Variants in GHR observed in about 807,000 individuals in gnomAD.
GHR encodes the protein GH receptor.
GHR carries 35 observed loss-of-function variants against 67.1 expected under a neutral mutation model. The observed-to-expected ratio is 0.52, with a 90% CI of 0.40 to 0.69. GHR has a LOEUF of 0.69. GHR is among the 30% of genes least tolerant of loss of function. GHR has a pLI of 0.00. For missense variants in GHR, 792 were observed against 764.6 expected (o/e 1.04, Z -0.42); for synonymous variants, 272 against 269.1 (o/e 1.01, Z -0.10).
At chr5:42,709,398 C>T (rs999239677) in intron 6 of GHR, among the ~76,000 whole-genome samples, 1 of 152,224 alleles carries the variant, frequency 6.6e-6, no homozygotes, top group East Asian at 1.9e-4. Context: ...CAACCTCGGC[C>T]TCCCAAAGTG....
At chr5:42,664,298 C>A (rs1215218006) in intron 3 of GHR, among the ~76,000 whole-genome samples, 3 of 152,142 alleles carry the variant, frequency 2.0e-5, no homozygotes, top group Non-Finnish European at 4.4e-5. Flanking sequence ...CAATCCTAAG[C>A]CAAAAGAGCA....
intron 1 of GHR, among the ~76,000 whole-genome samples, chr5:42,561,574 G>A (rs1749608044): frequency 1.3e-5 from 2 of 152,156 alleles, no homozygotes; most frequent in Non-Finnish European, 2.9e-5. Context: ...TAATTTGGAG[G>A]CCTCCTCTGC....
intron 1 of GHR, among the ~76,000 whole-genome samples, chr5:42,539,079 G>A (rs893088431): frequency 5.9e-5 from 9 of 151,572 alleles, no homozygotes; most frequent in Non-Finnish European, 1.3e-4. Flanking sequence ...TCCTTTCCCT[G>A]CTTGTATCAT....
intron 3 of GHR, among the ~76,000 whole-genome samples, chr5:42,687,376 A>T (rs1430506793): frequency 6.6e-6 from 1 of 152,234 alleles, no homozygotes; most frequent in African/African-American, 2.4e-5. Context: ...AATCGTAAGC[A>T]AAAAGAACAA....
rs1453354748 is a variant in GHR at position 42,629,118 on chromosome 5, C to A, written c.136+15C>A. 1.4e-5 allele frequency: 17 copies of A among 1,174,464 alleles called. 3 individuals are homozygous for A. The highest frequency in any genetic ancestry group is 2.0e-5 in the Non-Finnish European group (16 of 810,018). 72.8% of individuals were successfully genotyped at this position (1,174,464 alleles called of 1,614,324 possible). On this transcript the variant is annotated intron_variant, in intron 3 of 9. Coordinates refer to ENST00000230882, the MANE Select transcript of GHR (RefSeq NM_000163.5). ...CCTAAAGACAAGTAAGAATTTCAGT[C>A]CTTTTTCTTCCTTCAATGATATTTT...
chr5:42,560,777 T>C (rs1248472348), intron 1 of GHR, among the ~76,000 whole-genome samples: 1 of 152,212 alleles, frequency 6.6e-6, no homozygotes, highest in East Asian at 1.9e-4. Flanking sequence ...CAAATCCTGA[T>C]TTCTTTCACT....
chr5:42,592,695 G>T (rs1368807819), intron 2 of GHR, among the ~76,000 whole-genome samples: 1 of 152,152 alleles, frequency 6.6e-6, no homozygotes, highest in African/African-American at 2.4e-5. Context: ...CTGTGTCTTT[G>T]TTATTGTGAA....
At chr5:42,624,635 AT>A (rs1307978641) in intron 2 of GHR, among the ~76,000 whole-genome samples, 1 of 135,074 alleles carries the variant, frequency 7.4e-6, no homozygotes, top group Non-Finnish European at 1.6e-5. Flanking sequence ...ACCTACAAAA[AT>A]TTCCTTTCAC....
chr5:42,616,321 G>A (rs1056383796), intron 2 of GHR, among the ~76,000 whole-genome samples: 5 of 152,024 alleles, frequency 3.3e-5, no homozygotes, highest in African/African-American at 4.8e-5. Context: ...ATGGAGAGAA[G>A]TGAATGGATT....
chr5:42,604,167 G>A (rs1752510871), intron 2 of GHR, among the ~76,000 whole-genome samples: 1 of 152,212 alleles, frequency 6.6e-6, no homozygotes, highest in Non-Finnish European at 1.5e-5. Context: ...CGGACATGTA[G>A]ATGAGTTCTT....
chr5:42,536,728 CA>C (rs1266687016), intron 1 of GHR, among the ~76,000 whole-genome samples: 1 of 152,092 alleles, frequency 6.6e-6, no homozygotes, highest in Non-Finnish European at 1.5e-5. Context: ...GGAATAGCAT[CA>C]AAAGGATTGG....
Position 42,623,118 on chromosome 5 carries a change from T to C in GHR, c.71-5920T>C, listed in dbSNP as rs34903722. Among the ~76,000 whole-genome samples the C allele has an allele frequency of 6.4e-3, 967 of 152,276 alleles. 9 individuals carry two copies. The highest frequency in any genetic ancestry group is 0.019 in the African/African-American group (787 of 41,556). On this transcript the variant is annotated intron_variant, in intron 2 of 9. Transcript: ENST00000230882. The stretch of plus-strand genomic sequence containing the variant: ...AACAATGATAAGCATATATAACACT[T>C]ACTTATCACTAATTATATTGTAAAT...
chr5:42,483,104 T>C (rs140210675), intron 1 of GHR, among the ~76,000 whole-genome samples: 2 of 152,332 alleles, frequency 1.3e-5, no homozygotes, highest in East Asian at 1.9e-4. Context: ...GGTCTCACTT[T>C]GTCATCCAGG....
At position 42,544,118 on chromosome 5, in the gene GHR, A is replaced by C. The variant is rs1748633752; in HGVS notation, c.-11-21746A>C. Among the ~76,000 whole-genome samples, 3 of 152,136 alleles carry C rather than the reference A, an allele frequency of 2.0e-5. No individual in the cohort carries two copies. In the South Asian group the frequency reaches 6.2e-4, roughly 32 times the overall value. On this transcript the variant is annotated intron_variant, in intron 1 of 9. Transcript: ENST00000230882. Reference sequence around the variant, plus strand: ...AGGCAGCCTGGCAAAAATCAAGCTGATTAAAATGCTCTTTCCCATTTTCTT... The same window carrying C: ...AGGCAGCCTGGCAAAAATCAAGCTGCTTAAAATGCTCTTTCCCATTTTCTT...
intron 1 of GHR, among the ~76,000 whole-genome samples, chr5:42,454,996 C>A (rs1195799720): frequency 2.0e-5 from 3 of 152,122 alleles, no homozygotes; most frequent in African/African-American, 7.2e-5. Flanking sequence ...TCCCTGAGGG[C>A]CCCTGTGAGA....
At chr5:42,531,934 T>G (rs1233961534) in intron 1 of GHR, among the ~76,000 whole-genome samples, 1 of 152,102 alleles carries the variant, frequency 6.6e-6, no homozygotes, top group Non-Finnish European at 1.5e-5. Context: ...AATGGAGTAC[T>G]TGGGCAGTTG....
intron 2 of GHR, among the ~76,000 whole-genome samples, chr5:42,567,176 G>T (rs1224120194): frequency 2.0e-5 from 3 of 152,132 alleles, no homozygotes; most frequent in East Asian, 1.9e-4. Context: ...AGTCATGGTG[G>T]CTTAATCTCT....
intron 3 of GHR, among the ~76,000 whole-genome samples, chr5:42,674,589 A>G (rs1366484357): frequency 1.3e-5 from 2 of 152,184 alleles, no homozygotes; most frequent in African/African-American, 4.8e-5. Flanking sequence ...CATTTCATGT[A>G]AATCAGATAC....
At chr5:42,667,111 C>CTA (rs1207968962) in intron 3 of GHR, among the ~76,000 whole-genome samples, 1 of 152,134 alleles carries the variant, frequency 6.6e-6, no homozygotes, top group Non-Finnish European at 1.5e-5. Flanking sequence ...CACCCCACCA[C>CTA]TATATATATT....
Sources: gnomAD v4.1 joint callset for allele counts (sites outside exome capture counted in the v4.1 genomes callset) on GRCh38, gnomAD v4.1.1 for gene constraint, MANE v1.5 for transcripts, NCBI Gene and HGNC (gene_info 2026-07-23, HGNC 2026-07-21) for gene names.